The following DPY30 variants were observed in gnomAD, a reference collection of about 807,000 sequenced individuals.
The protein encoded by DPY30 is dpy-30 histone methyltransferase complex regulatory subunit.
A neutral mutation model predicts 16.2 loss-of-function variants in DPY30; 6 were observed. The ratio of observed to expected loss-of-function variants is 0.37; its 90% CI spans 0.20 to 0.73. The LOEUF is 0.73. Ranked by LOEUF, DPY30 falls within the 30% of genes least tolerant of loss-of-function variation. DPY30 has a pLI of 0.51. For synonymous variants in DPY30, 39 were observed against 38.8 expected (o/e 1.00, Z -0.02); for missense variants, 73 against 113.1 (o/e 0.65, Z 1.61).
intron 4 of DPY30, among the ~76,000 whole-genome samples, chr2:32,024,565 A>T (rs1239547559): frequency 6.6e-6 from 1 of 152,238 alleles, no homozygotes. Context: ...AAGGGGTCAC[A>T]TGGATGGCTT....
chr2:32,029,486 T>C, intron 4 of DPY30, 108 bp downstream of exon 4: 2 of 1,314,552 alleles, frequency 1.5e-6, no homozygotes, highest in Non-Finnish European at 1.0e-6. Context: ...AACTTTAACA[T>C]CCATAAATCA....
At chr2:32,025,846 G>A (rs528581472) in intron 4 of DPY30, among the ~76,000 whole-genome samples, 197 of 151,416 alleles carry the variant, frequency 1.3e-3, no homozygotes, top group African/African-American at 4.3e-3. Flanking sequence ...GGTGGCTCAC[G>A]CTTATAATCC....
chr2:32,023,538 A>G, downstream of DPY30: 1 of 500,094 alleles, frequency 2.0e-6, no homozygotes, highest in African/African-American at 2.0e-5. Flanking sequence ...CATTTAAGTA[A>G]AAATGTACTA....
chr2:32,037,847 C>T (rs1405025131), intron 3 of DPY30, among the ~76,000 whole-genome samples: 1 of 152,016 alleles, frequency 6.6e-6, no homozygotes, highest in Non-Finnish European at 1.5e-5. Flanking sequence ...GCCACCACGC[C>T]CAGCCTGTAT....
intron 5 of DPY30, among the ~76,000 whole-genome samples, chr2:32,012,727 C>T (rs1045338748): frequency 2.6e-4 from 39 of 152,152 alleles, no homozygotes; most frequent in African/African-American, 9.2e-4. Flanking sequence ...CATGAGCCAT[C>T]GCACCCAGGC....
chr2:32,022,118 G>C (rs977465466), downstream of DPY30, among the ~76,000 whole-genome samples: 14 of 151,728 alleles, frequency 9.2e-5, no homozygotes, highest in Non-Finnish European at 2.1e-4. Flanking sequence ...GCTGACACAG[G>C]AGAATCACTT....
intron 5 of DPY30, chr2:32,013,010 G>A (rs1674999537): frequency 6.6e-6 from 1 of 152,140 alleles, no homozygotes; most frequent in Admixed American, 6.6e-5. Context: ...AGTATTTCAG[G>A]CCCTTCAAAT....
At chr2:32,038,196 C>T (rs909581784) in intron 3 of DPY30, among the ~76,000 whole-genome samples, 2 of 139,594 alleles carry the variant, frequency 1.4e-5, no homozygotes, top group African/African-American at 5.5e-5. Flanking sequence ...AGTGCAGTGG[C>T]ATGATCTCGG....
chr2:32,017,769 G>A (rs1406602584), intron 5 of DPY30, among the ~76,000 whole-genome samples: 6 of 152,076 alleles, frequency 3.9e-5, no homozygotes, highest in Non-Finnish European at 7.4e-5. Flanking sequence ...CATTACATAA[G>A]CCAAAGAAAT....
At chr2:32,039,184 T>A (rs903879618) in intron 3 of DPY30, 95 bp downstream of exon 3, 1 of 1,482,682 alleles carries the variant, frequency 6.7e-7, no homozygotes, top group Non-Finnish European at 9.4e-7. Flanking sequence ...AACAAAGTTT[T>A]CCCTTGTGCA....
At chr2:32,019,820 CAAAAAAAA>C (rs1169379455), downstream of DPY30, among the ~76,000 whole-genome samples, 1 of 86,668 alleles carries the variant, frequency 1.2e-5, no homozygotes, top group African/African-American at 3.8e-5. Flanking sequence ...AACTCCGTCT[CAAAAAAAA>C]AAAAAAAATA....
At chr2:32,031,758 T>C (rs1262132477) in intron 3 of DPY30, among the ~76,000 whole-genome samples, 2 of 151,658 alleles carry the variant, frequency 1.3e-5, no homozygotes, top group African/African-American at 2.4e-5. Context: ...CTGGACGTAG[T>C]AGTGCGCGCC....
intron 5 of DPY30, among the ~76,000 whole-genome samples, chr2:32,015,170 T>C (rs1011599419): frequency 8.5e-5 from 13 of 152,192 alleles, no homozygotes; most frequent in Admixed American, 7.2e-4. Context: ...TAGATTCTAC[T>C]TATCCACAAC....
At chr2:32,038,010 C>T (rs2148672446) in intron 3 of DPY30, among the ~76,000 whole-genome samples, 1 of 152,106 alleles carries the variant, frequency 6.6e-6, no homozygotes, top group South Asian at 2.1e-4. Context: ...TCTTCAGCCC[C>T]ATAAGGCCCA....
At chr2:32,026,276 G>A (rs1034678813) in intron 4 of DPY30, among the ~76,000 whole-genome samples, 2 of 151,922 alleles carry the variant, frequency 1.3e-5, no homozygotes, top group African/African-American at 4.8e-5. Context: ...CTGGCATAGT[G>A]GCACACGCCT....
At chr2:32,016,090 G>A (rs147510383) in intron 5 of DPY30, among the ~76,000 whole-genome samples, 12 of 152,126 alleles carry the variant, frequency 7.9e-5, no homozygotes, top group African/African-American at 1.7e-4. Flanking sequence ...GCAGAGCTGG[G>A]GTTTTTACCA....
intron 5 of DPY30, among the ~76,000 whole-genome samples, chr2:32,016,874 T>C (rs973237777): frequency 3.3e-5 from 5 of 152,126 alleles, no homozygotes; most frequent in African/African-American, 1.2e-4. Flanking sequence ...CAAAATATAA[T>C]AGTTTCTTTT....
intron 1 of DPY30, 27 bp downstream of exon 1, chr2:32,039,706 G>A: frequency 1.7e-6 from 1 of 581,508 alleles, no homozygotes; most frequent in Non-Finnish European, 3.1e-6. Flanking sequence ...GAATAAGTGA[G>A]AAAGTGGGGG....
intron 3 of DPY30, among the ~76,000 whole-genome samples, chr2:32,031,312 C>T (rs12468012): frequency 1.3e-5 from 2 of 151,352 alleles, no homozygotes; most frequent in Non-Finnish European, 2.9e-5. Flanking sequence ...CCCAGCTACT[C>T]GGGAGGCTGA....
Sources: gnomAD v4.1 joint callset for allele counts (sites outside exome capture counted in the v4.1 genomes callset) on GRCh38, gnomAD v4.1.1 for gene constraint, MANE v1.5 for transcripts, NCBI Gene and HGNC (gene_info 2026-07-23, HGNC 2026-07-21) for gene names.